The following MSH5 variants were observed in gnomAD, a reference collection of about 807,000 sequenced individuals.
MSH5 encodes the protein mutS protein homolog 5.
MSH5 carries 78 observed loss-of-function variants against 107.7 expected under a neutral mutation model. The observed-to-expected ratio is 0.72, with a 90% confidence interval of 0.60 to 0.87. The LOEUF is 0.87. Ranked by LOEUF, MSH5 falls within the 40% of genes least tolerant of loss-of-function variation. The pLI, the probability that MSH5 is intolerant of heterozygous loss-of-function variation, is 0.00. For synonymous variants in MSH5, 326 were observed against 399.5 expected, an observed-to-expected ratio of 0.82 and a Z score of 2.19; for missense variants, 889 against 1,046.6, an observed-to-expected ratio of 0.85 and a Z score of 2.08.
chr6:31,759,617 T>C lies in MSH5; in HGVS notation c.1495+105T>C. On this transcript the variant is annotated intron_variant, in intron 17 of 24. Transcript: ENST00000375750. The surrounding 1 kb of genome is among the most constrained non-coding windows in gnomAD (Gnocchi z 4.7). ...CTTGGGGATGCTTCCAACAGGCCCC[T>C]CCTCTTCCTGCTCTCTGTCTCGCTC... 8 of 1,366,994 alleles carry C rather than the reference T, an allele frequency of 5.9e-6. No individual in the cohort carries two copies. The highest frequency in any genetic ancestry group is 8.2e-6 in the Non-Finnish European group (8 of 975,176). The allele number at this position is 1,366,994 out of a possible 1,614,324, so 84.7% of individuals were successfully genotyped here.
Position 31,759,522 on chromosome 6 carries a change from A to C in MSH5, c.1495+10A>C, listed in dbSNP as rs760936697. On this transcript the variant is annotated intron_variant, in intron 17 of 24. Transcript: ENST00000375750. The surrounding 1 kb of genome is among the most constrained non-coding windows in gnomAD (Gnocchi z 4.7). The stretch of plus-strand genomic sequence containing the variant: ...CACTGCGAGATCCGGGGTGAGGAAA[A>C]GCCAGAGGTTATATGCATTGTAAGA... 3 of 1,612,238 alleles carry C rather than the reference A, an allele frequency of 1.9e-6. No homozygotes were observed. In the East Asian group the frequency reaches 6.7e-5, roughly 36 times the overall value.
intron 10 of MSH5, among the ~76,000 whole-genome samples, chr6:31,751,334 A>C (rs2151357491): frequency 6.6e-6 from 1 of 152,272 alleles, no homozygotes; most frequent in East Asian, 1.9e-4. Context: ...CCTCCAACAC[A>C]CAAAAAGATG....
intron 12 of MSH5, chr6:31,756,783 G>C (rs185841961): frequency 6.6e-6 from 1 of 152,110 alleles, no homozygotes; most frequent in Admixed American, 6.6e-5. Context: ...TGGGACTATA[G>C]GCGTGTGCCA....
intron 10 of MSH5, among the ~76,000 whole-genome samples, chr6:31,752,156 A>G (rs925331334): frequency 6.0e-5 from 9 of 150,818 alleles, no homozygotes; most frequent in Non-Finnish European, 1.3e-4. Context: ...TAAGAATAAG[A>G]CATGCCGGGC....
chr6:31,748,252 C>A (rs967629906), intron 10 of MSH5, among the ~76,000 whole-genome samples: 4 of 151,772 alleles, frequency 2.6e-5, no homozygotes, highest in African/African-American at 9.7e-5. Context: ...AATGGCATTG[C>A]TGGCAGTACA....
Position 31,759,194 on chromosome 6 carries a change from C to G in MSH5, c.1407+17C>G, listed in dbSNP as rs546343953. ...GACTTCATGGTAAGACCCTCAACCT[C>G]TGTAAGGTGAGTGATGAGGAAAATG... On this transcript the variant is annotated intron_variant, in intron 16 of 24. Coordinates refer to ENST00000375750, the MANE Select transcript of MSH5 (RefSeq NM_172166.4). This position sits in a 1 kb window ranked among gnomAD's most constrained non-coding sequence, Gnocchi z 4.7. 6.2e-7 allele frequency: 1 copy of G among 1,607,326 alleles called. No individual in the cohort carries two copies. Among genetic ancestry groups the G allele is most frequent in the East Asian group, 2.2e-5 (1 of 44,856 alleles).
chr6:31,749,310 G>A (rs1300708183), intron 10 of MSH5, among the ~76,000 whole-genome samples: 1 of 152,164 alleles, frequency 6.6e-6, no homozygotes, highest in Non-Finnish European at 1.5e-5. Flanking sequence ...GGGAGGCTGA[G>A]GTGGGTGGAT....
chr6:31,758,248 G>C lies in MSH5; in HGVS notation c.1098G>C (p.Glu366Asp). ...AGCTCTTTCGGGACATTGCCCAAGA[G>C]TTCTCTGATGACCTGCACCATATCG... ...SIQLFRDIAQ[E>D]FSDDLHHIAS... The change falls in exon 13 of 25, where the codon GAG (glutamate) becomes GAC (aspartate). Residue 366 changes from glutamate (E) to aspartate (D), a missense_variant. Coordinates refer to ENST00000375750, the MANE Select transcript of MSH5 (RefSeq NM_172166.4). This position sits in a 1 kb window ranked among gnomAD's most constrained non-coding sequence, Gnocchi z 5.1. The C allele has an allele frequency of 1.2e-6, 2 of 1,613,088 alleles. No homozygotes were observed. Among genetic ancestry groups the C allele is most frequent in the Non-Finnish European group, 1.7e-6 (2 of 1,180,042 alleles).
At chr6:31,743,226 C>G (rs1285869665) in intron 5 of MSH5, 56 bp downstream of exon 5, 3 of 1,543,328 alleles carry the variant, frequency 1.9e-6, no homozygotes, top group African/African-American at 2.7e-5. Context: ...CATTCTTTCC[C>G]CCAACTCTAC....
At position 31,740,736 on chromosome 6, in the gene MSH5, G is replaced by C; in HGVS notation, c.147+123G>C. 1 of 1,130,898 alleles carries C rather than the reference G, an allele frequency of 8.8e-7. No individual in the cohort carries two copies. Among genetic ancestry groups the C allele is most frequent in the Non-Finnish European group, 1.2e-6 (1 of 846,644 alleles). The allele number at this position is 1,130,898 out of a possible 1,614,324, so 70.1% of individuals were successfully genotyped here. On this transcript the variant is annotated intron_variant, in intron 2 of 24. Coordinates refer to ENST00000375750, the MANE Select transcript of MSH5 (RefSeq NM_172166.4). The surrounding 1 kb of genome is among the most constrained non-coding windows in gnomAD (Gnocchi z 4.4). ...AGCACTTTGGGAGACTGAGGCGGGC[G>C]GATCACCTGAGCTCAGGAGTTGGAG...
Position 31,755,587 on chromosome 6 carries a change from C to T in MSH5, c.1014+1958C>T, listed in dbSNP as rs1008321363. Among the ~76,000 whole-genome samples, 13 of 152,240 alleles carry T rather than the reference C, an allele frequency of 8.5e-5. No homozygotes were observed. The South Asian group carries it at 2.3e-3, about 27-fold the overall frequency. On this transcript the variant is annotated intron_variant, in intron 12 of 24. Coordinates refer to ENST00000375750, the MANE Select transcript of MSH5 (RefSeq NM_172166.4). ...CTGTTGGTCGGGCTGGTCTCGAACT[C>T]CCGACCTCAGATGATCTGCCTGCCC... is the stretch of plus-strand genomic sequence containing the variant.
chr6:31,744,383 G>T (rs1581517152), intron 7 of MSH5, 84 bp downstream of exon 7: 4 of 1,584,782 alleles, frequency 2.5e-6, no homozygotes, highest in East Asian at 2.2e-5. Flanking sequence ...TGTGGATGTG[G>T]CTGTGACCCA....
intron 3 of MSH5, among the ~76,000 whole-genome samples, chr6:31,742,279 C>T (rs779925072): frequency 1.3e-5 from 2 of 152,122 alleles, no homozygotes; most frequent in African/African-American, 2.4e-5. Flanking sequence ...TTTTTTGAGA[C>T]AGTGTCTTGC....
intron 9 of MSH5, 88 bp downstream of exon 9, chr6:31,745,407 A>G: frequency 1.1e-6 from 1 of 874,000 alleles, no homozygotes. Context: ...CTCCCTTCCC[A>G]CTTCACTCCC....
intron 12 of MSH5, chr6:31,754,176 G>A (rs1810235851): frequency 6.6e-6 from 1 of 150,922 alleles, no homozygotes; most frequent in Non-Finnish European, 1.5e-5. Context: ...TTTAGACAGA[G>A]TCTTGCTCTG....
In MSH5 at chr6:31,761,754, G is replaced by T; in HGVS notation, c.2182-64G>T. The T allele has an allele frequency of 1.2e-6, 2 of 1,612,824 alleles. No homozygotes were observed. Among genetic ancestry groups the T allele is most frequent in the East Asian group, 4.5e-5 (2 of 44,886 alleles). The stretch of plus-strand genomic sequence containing the variant: ...CCCTTTTCTCCCTCCCCACAGGATT[G>T]GCCAAGGGTTTCAGGACAGGAAGGA... On this transcript the variant is annotated intron_variant, in intron 22 of 24. Transcript: ENST00000375750. The surrounding 1 kb of genome is among the most constrained non-coding windows in gnomAD (Gnocchi z 5.3).
At position 31,761,533 on chromosome 6, in the gene MSH5, G is replaced by T; in HGVS notation, c.2099G>T (p.Cys700Phe). 6.2e-7 allele frequency: 1 copy of T among 1,613,848 alleles called. No homozygotes were observed. Residue 700 changes from cysteine to phenylalanine, a missense_variant, in exon 22 of 25, where the codon TGC becomes TTC. Physicochemically the swap from Cys to Phe is radical, Grantham distance 205 (BLOSUM62 -2). This residue lies in a region of MSH5 where 362 missense variants were observed against 456.2 expected (regional missense o/e 0.79). Transcript: ENST00000375750. The surrounding 1 kb of genome is among the most constrained non-coding windows in gnomAD (Gnocchi z 5.3). The part of the protein sequence containing the change: ...LRHWLARGPT[C>F]PHIFVATNFL... ...CACTGGCTGGCACGTGGACCCACAT[G>T]CCCCCACATCTTTGTGGCCACCAAC...
chr6:31,750,575 C>T (rs1562231683), intron 10 of MSH5, among the ~76,000 whole-genome samples: 1 of 152,306 alleles, frequency 6.6e-6, no homozygotes, highest in South Asian at 2.1e-4. Context: ...TCTCCCAGTA[C>T]GAGCAGGGCG....
chr6:31,754,462 T>A (rs1810261219), intron 12 of MSH5, among the ~76,000 whole-genome samples: 1 of 152,134 alleles, frequency 6.6e-6, no homozygotes, highest in Non-Finnish European at 1.5e-5. Flanking sequence ...GTATGTGTCA[T>A]CTATATCTTT....
Sources: gnomAD v4.1 joint callset for allele counts (sites outside exome capture counted in the v4.1 genomes callset) on GRCh38, gnomAD v4.1.1 for gene constraint, gnomAD v4.1.1 regional missense constraint, Gnocchi (gnomAD v3.1) non-coding constraint, MANE v1.5 for transcripts, NCBI Gene and HGNC (gene_info 2026-07-23, HGNC 2026-07-21) for gene names.